DPYSL5: variants seen among roughly 807,000 people sequenced by gnomAD.
DPYSL5 encodes the protein dihydropyrimidinase-related protein 5.
DPYSL5 carries 9 observed loss-of-function variants against 58.4 expected under a neutral mutation model. That is an observed-to-expected ratio of 0.15 (90% CI 0.09 to 0.27). The LOEUF (loss-of-function observed/expected upper bound fraction) is 0.27. Among genes scored for constraint, DPYSL5 ranks in the 10% least tolerant of loss-of-function variants. The pLI is 1.00. For synonymous variants in DPYSL5, 293 were observed against 301.9 expected, an observed-to-expected ratio of 0.97 and a Z score of 0.31; for missense variants, 499 against 770.6, an observed-to-expected ratio of 0.65 and a Z score of 4.17.
intron 5 of DPYSL5, among the ~76,000 whole-genome samples, chr2:26,930,914 C>T (rs956329728): frequency 1.3e-5 from 2 of 150,822 alleles, no homozygotes; most frequent in East Asian, 2.0e-4. Context: ...GCGGAGCTTG[C>T]AGTGAGCCAA....
intron 1 of DPYSL5, among the ~76,000 whole-genome samples, chr2:26,887,622 A>C (rs757130427): frequency 7.9e-5 from 12 of 152,228 alleles, no homozygotes; most frequent in Non-Finnish European, 1.6e-4. Flanking sequence ...CTTCCTATGC[A>C]GTTCTGCATT....
Position 26,924,744 on chromosome 2 carries a change from C to A in DPYSL5, c.262-143C>A. The A allele has an allele frequency of 8.1e-7, 1 of 1,231,732 alleles. No individual in the cohort carries two copies. Among genetic ancestry groups the A allele is most frequent in the Non-Finnish European group, 1.1e-6 (1 of 920,150 alleles). The allele number at this position is 1,231,732 out of a possible 1,614,324, so 76.3% of individuals were successfully genotyped here. ...CCTCCACATGGCTCTTTACAGTTTC[C>A]CAAACCTCGCTGCCCTTGGTCCTCA... On this transcript the variant is annotated intron_variant, in intron 2 of 12. Transcript: ENST00000288699. This position sits in a 1 kb window ranked among gnomAD's most constrained non-coding sequence, Gnocchi z 4.7.
rs181418959 is a variant in DPYSL5, at chr2:26,933,972, C to A, written c.791-606C>A. On this transcript the variant is annotated intron_variant, in intron 7 of 12. Transcript: ENST00000288699. This position sits in a 1 kb window ranked among gnomAD's most constrained non-coding sequence, Gnocchi z 4.2. The stretch of plus-strand genomic sequence containing the variant: ...GAAGCAAGGGCATCTCAGCCTTCAA[C>A]TATAATCGATCAGAAGCAAGGGCAT... Among the ~76,000 whole-genome samples, 1 of 152,136 alleles carries A rather than the reference C, an allele frequency of 6.6e-6. No homozygotes were observed.
At chr2:26,876,634 G>C (rs1338120019) in intron 1 of DPYSL5, among the ~76,000 whole-genome samples, 3 of 152,072 alleles carry the variant, frequency 2.0e-5, no homozygotes, top group African/African-American at 7.2e-5. Flanking sequence ...TCCTGCCTCC[G>C]CCTCCCGAGT....
At position 26,942,159 on chromosome 2, in the gene DPYSL5, A is replaced by G; in HGVS notation, c.1232+67A>G. On this transcript the variant is annotated intron_variant, in intron 10 of 12. Coordinates refer to ENST00000288699, the MANE Select transcript of DPYSL5 (RefSeq NM_020134.4). The surrounding 1 kb of genome is among the most constrained non-coding windows in gnomAD (Gnocchi z 5.9). Reference sequence around the variant, plus strand: ...ATTTTGAAGAAGACTTGCATTACAGATCTCCAAAAGCATATAATTTTGCAC... The same window carrying G: ...ATTTTGAAGAAGACTTGCATTACAGGTCTCCAAAAGCATATAATTTTGCAC... 6.3e-7 allele frequency: 1 copy of G among 1,599,572 alleles called. No individual in the cohort carries two copies. The highest frequency in any genetic ancestry group is 1.3e-5 in the African/African-American group (1 of 74,266).
chr2:26,873,501 G>A (rs1427747178), intron 1 of DPYSL5, among the ~76,000 whole-genome samples: 3 of 152,152 alleles, frequency 2.0e-5, no homozygotes, highest in African/African-American at 7.2e-5. Flanking sequence ...GGAGAGGCCA[G>A]GAATGCTGTT....
intron 1 of DPYSL5, among the ~76,000 whole-genome samples, chr2:26,872,156 G>A (rs529536265): frequency 6.0e-4 from 92 of 152,302 alleles, no homozygotes; most frequent in African/African-American, 2.2e-3. Flanking sequence ...TCTAAACTTT[G>A]GAGCACTGGG....
At chr2:26,899,877 G>A (rs1271621236) in intron 2 of DPYSL5, among the ~76,000 whole-genome samples, 1 of 152,186 alleles carries the variant, frequency 6.6e-6, no homozygotes, top group Admixed American at 6.5e-5. Context: ...TTTCTCCTCT[G>A]AGAATTCTCC....
At chr2:26,932,528 C>T (rs182777357) in intron 6 of DPYSL5, among the ~76,000 whole-genome samples, 1 of 152,348 alleles carries the variant, frequency 6.6e-6, no homozygotes, top group Non-Finnish European at 1.5e-5. Context: ...AGAGCTCTGG[C>T]CGCTGGACAA....
Position 26,932,137 on chromosome 2 carries a change from GAGAAAGAAAGAAAGAAAGAAAGAA to G in DPYSL5, c.714+503_714+526del, listed in dbSNP as rs531719106. ...GAAAAAAGAAAGAGAAAGAAAGAAA[GAGAAAGAAAGAAAGAAAGAAAGAA>G]AGAAAGAAAGAAAGAAAGAAAGAAA... On this transcript the variant is annotated intron_variant, in intron 6 of 12. Coordinates refer to ENST00000288699, the MANE Select transcript of DPYSL5 (RefSeq NM_020134.4). Among the ~76,000 whole-genome samples the G allele has an allele frequency of 8.4e-5, 5 of 59,744 alleles. No homozygotes were observed. The Admixed American group carries it at 9.5e-4, about 11-fold the overall frequency. The allele number at this position is 59,744 out of a possible 152,430, so 39.2% of individuals were successfully genotyped here.
In DPYSL5 at chr2:26,869,333, A is replaced by G. The variant is rs561993117; in HGVS notation, c.-5+21079A>G. Among the ~76,000 whole-genome samples the G allele has an allele frequency of 1.0e-3, 158 of 152,270 alleles. 2 individuals carry two copies. Among genetic ancestry groups the G allele is most frequent in the African/African-American group, 1.9e-3 (77 of 41,544 alleles). ...TGAGGTGTAATTTACATACTATAAC[A>G]TTACTTGCTTTAAGTGTATAATTTG... On this transcript the variant is annotated intron_variant, in intron 1 of 12. Transcript: ENST00000288699.
rs1308786354 is a variant in DPYSL5 at position 26,933,397 on chromosome 2, C to T, written c.790+64C>T. On this transcript the variant is annotated intron_variant, in intron 7 of 12. Coordinates refer to ENST00000288699, the MANE Select transcript of DPYSL5 (RefSeq NM_020134.4). The surrounding 1 kb of genome is among the most constrained non-coding windows in gnomAD (Gnocchi z 4.2). ...GGAGGGACTGGAGATGGATGGGGCCCATTAGCCGTGCTCACTCCTGGCCCC... is the reference window on the plus strand; with the variant it reads ...GGAGGGACTGGAGATGGATGGGGCCTATTAGCCGTGCTCACTCCTGGCCCC... The T allele has an allele frequency of 1.1e-5, 16 of 1,498,988 alleles. No homozygotes were observed. Among genetic ancestry groups the T allele is most frequent in the Middle Eastern group, 4.0e-4 (2 of 5,004 alleles). 92.9% of individuals were successfully genotyped at this position (1,498,988 alleles called of 1,614,324 possible).
chr2:26,929,165 G>C (rs1664909438), intron 5 of DPYSL5, among the ~76,000 whole-genome samples: 1 of 152,134 alleles, frequency 6.6e-6, no homozygotes, highest in South Asian at 2.1e-4. Flanking sequence ...AGGGATCTAG[G>C]TTGCACGCTC....
At chr2:26,860,459 G>C (rs552333323) in intron 1 of DPYSL5, among the ~76,000 whole-genome samples, 2 of 152,190 alleles carry the variant, frequency 1.3e-5, no homozygotes, top group Non-Finnish European at 2.9e-5. Context: ...GTGAAAACTG[G>C]CAGATTTGCA....
chr2:26,892,635 A>T (rs1663909924), intron 1 of DPYSL5, among the ~76,000 whole-genome samples: 1 of 151,984 alleles, frequency 6.6e-6, no homozygotes, highest in African/African-American at 2.4e-5. Context: ...CCAGGAGTTC[A>T]AGTTCAGCCT....
At chr2:26,892,677 A>G (rs35650673) in intron 1 of DPYSL5, among the ~76,000 whole-genome samples, 2 of 151,688 alleles carry the variant, frequency 1.3e-5, no homozygotes, top group African/African-American at 4.8e-5. Flanking sequence ...AAAAAAAAAA[A>G]CAAAAACAAA....
chr2:26,887,449 A>G (rs1250562444), intron 1 of DPYSL5, among the ~76,000 whole-genome samples: 2 of 152,122 alleles, frequency 1.3e-5, no homozygotes, highest in African/African-American at 2.4e-5. Context: ...GGCCCAGGGG[A>G]GCTGGGGAAG....
intron 1 of DPYSL5, among the ~76,000 whole-genome samples, chr2:26,883,315 C>T (rs1349588265): frequency 1.3e-5 from 2 of 152,130 alleles, no homozygotes; most frequent in Non-Finnish European, 2.9e-5. Flanking sequence ...GCACTAGATG[C>T]CTACGTACTA....
rs1664879686 is a variant in DPYSL5 at position 26,928,402 on chromosome 2, A to G, written c.669+79A>G. ...ATCTTCCAGGATGGAGGAGACATCAAACATACAAATTAGCCAGGCACAAGG... is the reference window on the plus strand; with the variant it reads ...ATCTTCCAGGATGGAGGAGACATCAGACATACAAATTAGCCAGGCACAAGG... On this transcript the variant is annotated intron_variant, in intron 5 of 12. Coordinates refer to ENST00000288699, the MANE Select transcript of DPYSL5 (RefSeq NM_020134.4). 2.1e-5 allele frequency: 31 copies of G among 1,501,522 alleles called. 1 individual carries two copies. In the South Asian group the frequency reaches 3.3e-4, roughly 16 times the overall value. The allele number at this position is 1,501,522 out of a possible 1,614,324, so 93.0% of individuals were successfully genotyped here.
Sources: allele counts gnomAD v4.1 joint callset (sites outside exome capture counted in the v4.1 genomes callset), GRCh38; gene constraint gnomAD v4.1.1; non-coding constraint Gnocchi (gnomAD v3.1); transcripts MANE v1.5; gene names NCBI Gene and HGNC (gene_info 2026-07-23, HGNC 2026-07-21).